PDE10A: variants seen among roughly 807,000 people sequenced by gnomAD.
The protein encoded by PDE10A is cAMP and cAMP-inhibited cGMP 3',5'-cyclic phosphodiesterase 10A.
In PDE10A, 39 loss-of-function variants were observed where a neutral mutation model predicts 97.7. That is an observed-to-expected ratio of 0.40 (90% CI 0.31 to 0.52). The LOEUF (loss-of-function observed/expected upper bound fraction) is 0.52. Among genes scored for constraint, PDE10A ranks in the 20% least tolerant of loss-of-function variants. The pLI, the probability that PDE10A is intolerant of heterozygous loss-of-function variation, is 0.56. For missense variants in PDE10A, 731 were observed against 1,047.8 expected (o/e 0.70, Z 4.17); for synonymous variants, 371 against 376.8 (o/e 0.98, Z 0.18).
intron 17 of PDE10A, among the ~76,000 whole-genome samples, chr6:165,387,731 G>C (rs1785406114): frequency 1.3e-5 from 2 of 152,178 alleles, no homozygotes; most frequent in South Asian, 2.1e-4. Flanking sequence ...TTTGTGATAG[G>C]AATCAAGTCA....
Position 165,332,997 on chromosome 6 carries a change from T to C in PDE10A, c.*28A>G, listed in dbSNP as rs1413760515. ...AAGAAGCAAGATGAGGATCTGTAGG[T>C]GGGACAGCGTGTCAGGGTGACCAGT... On this transcript the variant is annotated 3_prime_UTR_variant, in exon 22 of 22. Coordinates refer to ENST00000539869, the MANE Select transcript of PDE10A (RefSeq NM_001385079.1). 4 of 1,023,418 alleles carry C rather than the reference T, an allele frequency of 3.9e-6. No homozygotes were observed. The highest frequency in any genetic ancestry group is 4.2e-5 in the East Asian group (1 of 23,684). The allele number at this position is 1,023,418 out of a possible 1,614,324, so 63.4% of individuals were successfully genotyped here.
intron 1 of PDE10A, among the ~76,000 whole-genome samples, chr6:165,792,817 C>T (rs1778696154): frequency 6.6e-6 from 1 of 152,140 alleles, no homozygotes; most frequent in African/African-American, 2.4e-5. Flanking sequence ...GTTGTGGCAT[C>T]CAGTATTCAA....
At position 165,711,629 on chromosome 6, in the gene PDE10A, G is replaced by A. The variant is rs188214959; in HGVS notation, c.-614-168061C>T. On this transcript the variant is annotated intron_variant, in intron 1 of 19. Transcript: ENST00000366882. The surrounding 1 kb of genome is among the most constrained non-coding windows in gnomAD (Gnocchi z 4.5). ...GTGTGTGTCTTGGTAGGGTCAATGA[G>A]ATGAAGGTAAGAGAAGAAACGAAGA... Among the ~76,000 whole-genome samples the A allele has an allele frequency of 7.2e-5, 11 of 152,278 alleles. No individual in the cohort carries two copies. In the East Asian group the frequency reaches 1.6e-3, roughly 21 times the overall value.
intron 12 of PDE10A, among the ~76,000 whole-genome samples, chr6:165,414,962 C>T (rs1358121758): frequency 1.3e-5 from 2 of 152,164 alleles, no homozygotes; most frequent in African/African-American, 4.8e-5. Context: ...AGTTGTATAT[C>T]TCCTTTTGTG....
At chr6:165,606,319 C>G (rs1787207029) in intron 1 of PDE10A, among the ~76,000 whole-genome samples, 1 of 152,080 alleles carries the variant, frequency 6.6e-6, no homozygotes, top group South Asian at 2.1e-4. Flanking sequence ...AATAAACTAT[C>G]CCAGGATCTT....
intron 1 of PDE10A, among the ~76,000 whole-genome samples, chr6:165,684,174 A>C (rs1791053286): frequency 6.6e-6 from 1 of 152,116 alleles, no homozygotes; most frequent in African/African-American, 2.4e-5. Context: ...GCTTATCAGC[A>C]CCTGGCGTGC....
At chr6:165,749,952 G>A (rs962646670) in intron 1 of PDE10A, among the ~76,000 whole-genome samples, 13 of 152,178 alleles carry the variant, frequency 8.5e-5, no homozygotes, top group South Asian at 4.2e-4. Flanking sequence ...GCACCTCATG[G>A]ATTGTGTTAG....
At chr6:165,852,728 A>G (rs1206735366) in intron 1 of PDE10A, among the ~76,000 whole-genome samples, 1 of 152,192 alleles carries the variant, frequency 6.6e-6, no homozygotes, top group Non-Finnish European at 1.5e-5. Flanking sequence ...ACCCTGCTCC[A>G]TGCGGGTGAG....
At position 165,451,490 on chromosome 6, in the gene PDE10A, G is replaced by C. The variant is rs111252418; in HGVS notation, c.1024-1128C>G. Among the ~76,000 whole-genome samples the C allele has an allele frequency of 7.8e-4, 119 of 152,176 alleles. 1 individual carries two copies. The highest frequency in any genetic ancestry group is 2.6e-3 in the African/African-American group (109 of 41,502). ...TTGGAATAATAAACAAAAACGCCTCGCACAGTAACACACCATGTGCTGCAA... is the reference window on the plus strand; with the variant it reads ...TTGGAATAATAAACAAAAACGCCTCCCACAGTAACACACCATGTGCTGCAA... On this transcript the variant is annotated intron_variant, in intron 3 of 21. Coordinates refer to ENST00000539869, the MANE Select transcript of PDE10A (RefSeq NM_001385079.1).
intron 13 of PDE10A, 120 bp downstream of exon 13, chr6:165,413,381 C>T (rs1490637676): frequency 1.6e-6 from 1 of 630,378 alleles, no homozygotes; most frequent in African/African-American, 1.9e-5. Context: ...GAATCACTTA[C>T]TTTTCCTGGT....
intron 1 of PDE10A, among the ~76,000 whole-genome samples, chr6:165,756,245 T>G (rs1221820807): frequency 2.0e-5 from 3 of 152,012 alleles, no homozygotes; most frequent in Non-Finnish European, 4.4e-5. Flanking sequence ...AAGATGGAGG[T>G]TTCCAGAAAG....
At chr6:165,710,205 G>T (rs566770845) in intron 1 of PDE10A, among the ~76,000 whole-genome samples, 8 of 152,132 alleles carry the variant, frequency 5.3e-5, no homozygotes, top group Admixed American at 2.0e-4. Flanking sequence ...AAGCTACAGC[G>T]AATGTTTGCT....
intron 18 of PDE10A, among the ~76,000 whole-genome samples, chr6:165,347,093 T>C (rs1232457059): frequency 6.6e-6 from 1 of 152,000 alleles, no homozygotes; most frequent in Non-Finnish European, 1.5e-5. Context: ...ATCACCTTAA[T>C]GCTTTTTTTT....
At chr6:165,754,207 A>T (rs577228290) in intron 1 of PDE10A, 30 of 152,356 alleles carry the variant, frequency 2.0e-4, no homozygotes, top group African/African-American at 7.0e-4. Flanking sequence ...CTTCTACTGC[A>T]CACTGAGCTC....
chr6:165,454,435 C>T (rs528684204), intron 3 of PDE10A, among the ~76,000 whole-genome samples: 9 of 152,286 alleles, frequency 5.9e-5, no homozygotes, highest in Admixed American at 5.2e-4. Flanking sequence ...TGATCCCCAA[C>T]GCAACAGTAC....
At chr6:165,930,414 A>G (rs996247447) in intron 1 of PDE10A, among the ~76,000 whole-genome samples, 2 of 152,220 alleles carry the variant, frequency 1.3e-5, no homozygotes, top group African/African-American at 4.8e-5. Flanking sequence ...CTTCCTTTGC[A>G]TGCGTTCTTT....
chr6:165,733,974 T>A (rs1023849090), intron 1 of PDE10A, among the ~76,000 whole-genome samples: 2 of 152,126 alleles, frequency 1.3e-5, no homozygotes, highest in Non-Finnish European at 2.9e-5. Context: ...AATTTAAAAT[T>A]TTTGCTTATA....
intron 1 of PDE10A, among the ~76,000 whole-genome samples, chr6:165,967,345 A>G (rs1784540911): frequency 6.6e-6 from 1 of 152,036 alleles, no homozygotes; most frequent in South Asian, 2.1e-4. Flanking sequence ...AAAAATACAA[A>G]CATTAGCCGG....
chr6:165,456,627 G>A (rs1777969122), intron 3 of PDE10A, among the ~76,000 whole-genome samples: 1 of 152,032 alleles, frequency 6.6e-6, no homozygotes, highest in African/African-American at 2.4e-5. Context: ...CACGTCTCTG[G>A]GCTTTAGTTT....
Sources: gnomAD v4.1 joint callset for allele counts (sites outside exome capture counted in the v4.1 genomes callset) on GRCh38, gnomAD v4.1.1 for gene constraint, Gnocchi (gnomAD v3.1) non-coding constraint, MANE v1.5 for transcripts, NCBI Gene and HGNC (gene_info 2026-07-23, HGNC 2026-07-21) for gene names.